Variants in GABRG3 observed in about 807,000 individuals in gnomAD.
The protein encoded by GABRG3 is gamma-aminobutyric acid type A receptor subunit gamma3.
Under a neutral mutation model 48.8 loss-of-function variants are expected in GABRG3, and 25 were observed. The ratio of observed to expected loss-of-function variants is 0.51; its 90% CI spans 0.37 to 0.72. The LOEUF is 0.72. GABRG3 is among the 30% of genes least tolerant of loss of function. GABRG3 has a pLI of 0.00. For synonymous variants in GABRG3, 227 were observed against 217.6 expected (o/e 1.04, Z -0.38); for missense variants, 394 against 577.9 (o/e 0.68, Z 3.26).
At chr15:27,119,566 G>A (rs1481691673) in intron 3 of GABRG3, among the ~76,000 whole-genome samples, 1 of 152,180 alleles carries the variant, frequency 6.6e-6, no homozygotes, top group Non-Finnish European at 1.5e-5. Flanking sequence ...AGGAGTCTGG[G>A]CATGTCTTCA....
intron 3 of GABRG3, among the ~76,000 whole-genome samples, chr15:27,074,879 T>C (rs1896885454): frequency 2.0e-5 from 3 of 152,094 alleles, no homozygotes; most frequent in Non-Finnish European, 1.5e-5. Flanking sequence ...TTTAAAGAGT[T>C]GGACATTACA....
chr15:27,004,057 G>A (rs1180952796), intron 2 of GABRG3, among the ~76,000 whole-genome samples: 2 of 149,314 alleles, frequency 1.3e-5, no homozygotes, highest in Non-Finnish European at 3.0e-5. Context: ...CCCGGACGGG[G>A]CGGCTGACCC....
At chr15:27,017,941 C>T (rs1398322593) in intron 2 of GABRG3, among the ~76,000 whole-genome samples, 4 of 152,156 alleles carry the variant, frequency 2.6e-5, no homozygotes, top group African/African-American at 4.8e-5. Flanking sequence ...CCTCAGTGCC[C>T]TCTTTATTAA....
In GABRG3 at chr15:27,447,902, A is replaced by C. The variant is rs1272289669; in HGVS notation, c.575-32748A>C. Among the ~76,000 whole-genome samples the C allele has an allele frequency of 1.3e-5, 2 of 152,178 alleles. No individual in the cohort carries two copies. The highest frequency in any genetic ancestry group is 2.9e-5 in the Non-Finnish European group (2 of 68,030). Reference sequence around the variant, plus strand: ...GCATTAGGAAAAATACCTAATGTAGATGACAGGTTGATGGGTGCAGCAAAC... The same window carrying C: ...GCATTAGGAAAAATACCTAATGTAGCTGACAGGTTGATGGGTGCAGCAAAC... On this transcript the variant is annotated intron_variant, in intron 5 of 9. Transcript: ENST00000615808. This position sits in a 1 kb window ranked among gnomAD's most constrained non-coding sequence, Gnocchi z 4.0.
chr15:27,492,212 A>G (rs1210273921), intron 6 of GABRG3, among the ~76,000 whole-genome samples: 1 of 152,202 alleles, frequency 6.6e-6, no homozygotes, highest in African/African-American at 2.4e-5. Flanking sequence ...ACTTAGAGCC[A>G]CAGACTTGGC....
chr15:27,309,073 A>G (rs1052431222), intron 3 of GABRG3, among the ~76,000 whole-genome samples: 5 of 142,360 alleles, frequency 3.5e-5, no homozygotes, highest in Non-Finnish European at 7.4e-5. Context: ...TAATGTAAAC[A>G]TGTTTATATA....
intron 3 of GABRG3, among the ~76,000 whole-genome samples, chr15:27,189,495 G>A (rs557038772): frequency 1.5e-4 from 23 of 152,114 alleles, no homozygotes; most frequent in Admixed American, 9.2e-4. Context: ...AAGCAATTGT[G>A]AATGGGAGTT....
In GABRG3 at chr15:27,488,949, A is replaced by G. The variant is rs569240954; in HGVS notation, c.712+8162A>G. Among the ~76,000 whole-genome samples the G allele has an allele frequency of 2.0e-5, 3 of 152,274 alleles. No individual in the cohort carries two copies. In the South Asian group the frequency reaches 6.2e-4, roughly 32 times the overall value. On this transcript the variant is annotated intron_variant, in intron 6 of 9. Transcript: ENST00000615808. ...GAACCTGCAGGTTTGTTACATAGGT[A>G]TACACGTGCCATGGTGGTTTGCTGC...
intron 3 of GABRG3, among the ~76,000 whole-genome samples, chr15:27,296,310 A>G (rs1004423074): frequency 2.6e-5 from 4 of 152,184 alleles, no homozygotes; most frequent in African/African-American, 7.2e-5. Flanking sequence ...TGCATAAACA[A>G]TATGTGTAGA....
chr15:27,296,282 A>T (rs573973609), intron 3 of GABRG3, among the ~76,000 whole-genome samples: 1 of 152,046 alleles, frequency 6.6e-6, no homozygotes, highest in Non-Finnish European at 1.5e-5. Flanking sequence ...TTTTCTTTTA[A>T]CTGACTGAAA....
intron 3 of GABRG3, among the ~76,000 whole-genome samples, chr15:27,029,892 G>A (rs1309311335): frequency 1.3e-5 from 2 of 152,156 alleles, no homozygotes; most frequent in Non-Finnish European, 2.9e-5. Flanking sequence ...TTGCTGGGAC[G>A]CCAGAATGAT....
rs538983084 is a variant in GABRG3 at position 27,464,788 on chromosome 15, C to A, written c.575-15862C>A. Among the ~76,000 whole-genome samples, 30 of 152,200 alleles carry A rather than the reference C, an allele frequency of 2.0e-4. No homozygotes were observed. The East Asian group carries it at 5.0e-3, about 25-fold the overall frequency. On this transcript the variant is annotated intron_variant, in intron 5 of 9. Transcript: ENST00000615808. ...AAAAATTCTATTTAAATTCTTTGCC[C>A]ATTTTTAAATGGACTATTTGTCTTT... is the stretch of plus-strand genomic sequence containing the variant.
At chr15:27,247,188 C>T (rs1890295666) in intron 3 of GABRG3, among the ~76,000 whole-genome samples, 1 of 152,156 alleles carries the variant, frequency 6.6e-6, no homozygotes. Context: ...AGTCCTCCCA[C>T]TTTGGCCTCC....
intron 3 of GABRG3, among the ~76,000 whole-genome samples, chr15:27,308,887 A>G (rs908792136): frequency 2.0e-5 from 3 of 150,424 alleles, no homozygotes; most frequent in Admixed American, 6.6e-5. Flanking sequence ...CAGAATTTAA[A>G]CATGTTTATA....
chr15:26,982,709 C>T (rs148120860), intron 2 of GABRG3, among the ~76,000 whole-genome samples: 1 of 152,288 alleles, frequency 6.6e-6, no homozygotes, highest in East Asian at 1.9e-4. Context: ...AGGCAACTCC[C>T]CTAAAGCATC....
At chr15:27,241,939 A>T (rs1458512360) in intron 3 of GABRG3, among the ~76,000 whole-genome samples, 1 of 152,230 alleles carries the variant, frequency 6.6e-6, no homozygotes, top group Admixed American at 6.5e-5. Context: ...ACAAATAGTA[A>T]CAGAGACTGA....
At chr15:27,157,053 A>C (rs4887563) in intron 3 of GABRG3, among the ~76,000 whole-genome samples, 26,852 of 152,154 alleles carry the variant, frequency 0.18, 2,624 homozygotes, top group Admixed American at 0.25. Context: ...AGAAAGAATC[A>C]TATTTCTGAA....
At chr15:27,162,593 C>T (rs746410970) in intron 3 of GABRG3, among the ~76,000 whole-genome samples, 7 of 152,026 alleles carry the variant, frequency 4.6e-5, no homozygotes, top group Non-Finnish European at 8.8e-5. Context: ...TGGAGAAACA[C>T]GCCAAATGGA....
At chr15:27,219,876 T>A (rs890790190) in intron 3 of GABRG3, among the ~76,000 whole-genome samples, 1 of 152,232 alleles carries the variant, frequency 6.6e-6, no homozygotes, top group Non-Finnish European at 1.5e-5. Flanking sequence ...TGCAGGGACT[T>A]GTGCAACTGT....
Sources: allele counts gnomAD v4.1 joint callset (sites outside exome capture counted in the v4.1 genomes callset), GRCh38; gene constraint gnomAD v4.1.1; non-coding constraint Gnocchi (gnomAD v3.1); transcripts MANE v1.5; gene names NCBI Gene and HGNC (gene_info 2026-07-23, HGNC 2026-07-21).